ATIC: variants seen among roughly 807,000 people sequenced by gnomAD.
ATIC encodes the protein 5-aminoimidazole-4-carboxamide ribonucleotide formyltransferase/IMP cyclohydrolase, also known as bifunctional purine biosynthesis protein ATIC.
A neutral mutation model predicts 72.5 loss-of-function variants in ATIC; 64 were observed. The observed-to-expected ratio is 0.88, with a 90% CI of 0.72 to 1.09. The LOEUF (loss-of-function observed/expected upper bound fraction) is 1.09, where lower values mean the gene tolerates loss of function less well. Among genes scored for constraint, ATIC ranks in the 50% least tolerant of loss-of-function variants. The pLI is 0.00. For synonymous variants in ATIC, 281 were observed against 267.1 expected (o/e 1.05, Z -0.51); for missense variants, 787 against 732.4 (o/e 1.07, Z -0.86).
rs771443605 is a variant in ATIC at position 215,325,254 on chromosome 2, A to C, written c.304A>C (p.Asn102His). The C allele has an allele frequency of 1.9e-6, 3 of 1,613,656 alleles. No homozygotes were observed. The highest frequency in any genetic ancestry group is 2.5e-6 in the Non-Finnish European group (3 of 1,179,576). The change falls in exon 5 of 16, where the codon AAT becomes CAT. Residue 102 changes from asparagine to histidine, a missense_variant. Transcript: ENST00000236959. The part of the protein sequence containing the change: ...DFNLIRVVAC[N>H]LYPFVKTVAS... The stretch of plus-strand genomic sequence containing the variant: ...TTTGTTTTATAGAGTTGTTGCCTGC[A>C]ATCTCTATCCCTTTGTAAAGACAGT...
At chr2:215,324,400 C>T (rs143412038) in intron 4 of ATIC, among the ~76,000 whole-genome samples, 82 of 152,138 alleles carry the variant, frequency 5.4e-4, no homozygotes, top group African/African-American at 1.7e-3. Flanking sequence ...GTGGTTTTTG[C>T]ATTTTTCTGG....
intron 4 of ATIC, among the ~76,000 whole-genome samples, chr2:215,321,337 A>G (rs1246498531): frequency 8.3e-6 from 1 of 119,844 alleles, no homozygotes; most frequent in Non-Finnish European, 1.7e-5. Flanking sequence ...GTGCTGAAAA[A>G]TAATCCATTG....
chr2:215,356,798 T>C, the ATIC span, among the ~76,000 whole-genome samples: 1 of 152,232 alleles, frequency 6.6e-6, no homozygotes, highest in African/African-American at 2.4e-5. Context: ...GATATTTCAT[T>C]ATATGGATAT....
the ATIC span, chr2:215,365,017 A>T: frequency 6.5e-6 from 9 of 1,382,860 alleles, no homozygotes; most frequent in African/African-American, 1.4e-5. Flanking sequence ...ATGCACGCAT[A>T]AGCTGAGAAC....
chr2:215,344,650 A>G (rs778039682), intron 12 of ATIC, 129 bp from the exon 13 acceptor site: 13 of 862,218 alleles, frequency 1.5e-5, no homozygotes, highest in Non-Finnish European at 2.4e-5. Context: ...AGATTGTCCC[A>G]TTGTGCCTGG....
At chr2:215,336,893 G>A (rs1426583540) in intron 11 of ATIC, among the ~76,000 whole-genome samples, 2 of 152,170 alleles carry the variant, frequency 1.3e-5, no homozygotes, top group Non-Finnish European at 2.9e-5. Context: ...AAGGATGCCT[G>A]TTTCCCAACA....
At chr2:215,364,608 CT>C in the ATIC span, 20 of 536,748 alleles carry the variant, frequency 3.7e-5, no homozygotes, top group Non-Finnish European at 6.0e-5. Context: ...ACAGGTGTTG[CT>C]ATTAAGAATG....
intron 11 of ATIC, among the ~76,000 whole-genome samples, chr2:215,337,024 T>G (rs868610288): frequency 3.3e-5 from 5 of 152,088 alleles, no homozygotes; most frequent in Admixed American, 2.0e-4. Context: ...ATGTTTTTAT[T>G]CCTTTCTATG....
At chr2:215,344,425 C>T (rs750482339) in intron 12 of ATIC, among the ~76,000 whole-genome samples, 1 of 152,088 alleles carries the variant, frequency 6.6e-6, no homozygotes, top group Non-Finnish European at 1.5e-5. Context: ...TGGTGGCTCA[C>T]ACCTGTTGTA....
the ATIC span, chr2:215,367,849 A>G: frequency 8.1e-6 from 13 of 1,613,756 alleles, no homozygotes; most frequent in South Asian, 1.2e-4. Context: ...TGGATGGACA[A>G]AGCAACTACT....
downstream of ATIC, among the ~76,000 whole-genome samples, chr2:215,350,279 G>C (rs989363533): frequency 4.6e-5 from 7 of 152,158 alleles, no homozygotes; most frequent in Non-Finnish European, 1.0e-4. Context: ...TGGGACTACA[G>C]GCATGTGCCA....
intron 12 of ATIC, 88 bp from the exon 13 acceptor site, chr2:215,344,691 C>T (rs565954676): frequency 7.6e-7 from 1 of 1,323,928 alleles, no homozygotes. Context: ...CTCAAAAAAA[C>T]CACAAAAAAT....
chr2:215,365,832 GTC>G, the ATIC span: 1 of 242,464 alleles, frequency 4.1e-6, no homozygotes, highest in African/African-American at 2.4e-5. Context: ...TTGAGACAAA[GTC>G]TTTCTCTGTC....
chr2:215,324,662 A>G (rs566718167), intron 4 of ATIC, among the ~76,000 whole-genome samples: 1 of 152,160 alleles, frequency 6.6e-6, no homozygotes, highest in South Asian at 2.1e-4. Flanking sequence ...CTAGGAGTGG[A>G]ACTGTACTTC....
At chr2:215,333,774 G>A (rs1306307149) in intron 9 of ATIC, among the ~76,000 whole-genome samples, 1 of 152,098 alleles carries the variant, frequency 6.6e-6, no homozygotes, top group Non-Finnish European at 1.5e-5. Context: ...CGGGCGCAAT[G>A]TCTCACGCCT....
At chr2:215,350,230 G>A (rs1028305266), downstream of ATIC, among the ~76,000 whole-genome samples, 2 of 152,010 alleles carry the variant, frequency 1.3e-5, no homozygotes, top group African/African-American at 2.4e-5. Context: ...TCCGCCTCCC[G>A]GGTTCAAGCG....
intron 9 of ATIC, among the ~76,000 whole-genome samples, chr2:215,333,725 A>T (rs1172400393): frequency 3.9e-5 from 6 of 152,134 alleles, no homozygotes; most frequent in African/African-American, 1.4e-4. Flanking sequence ...GTACCTCAAA[A>T]TACATTTCTT....
the ATIC span, among the ~76,000 whole-genome samples, chr2:215,358,849 A>G: frequency 6.6e-6 from 1 of 152,200 alleles, no homozygotes; most frequent in Admixed American, 6.5e-5. Flanking sequence ...CATTTAGTTA[A>G]TACAGTCCAA....
Position 215,347,700 on chromosome 2 carries a change from C to A in ATIC, c.1503+759C>A, listed in dbSNP as rs1231895702. Reference sequence around the variant, plus strand: ...AGTCCTTAAGATATCTTTTTTTTTTCAACTTTGATACTTGGATTTTTCTGT... The same window carrying A: ...AGTCCTTAAGATATCTTTTTTTTTTAAACTTTGATACTTGGATTTTTCTGT... On this transcript the variant is annotated intron_variant, in intron 14 of 15. Transcript: ENST00000236959. The A allele has an allele frequency of 1.3e-5, 6 of 473,926 alleles. 1 individual carries two copies. Among genetic ancestry groups the A allele is most frequent in the African/African-American group, 8.0e-5 (4 of 50,008 alleles). 29.4% of individuals were successfully genotyped at this position (473,926 alleles called of 1,614,324 possible). A position where few individuals can be genotyped will look rare whatever the true frequency, so the allele number is the denominator to read the frequency against.
Sources: allele counts gnomAD v4.1 joint callset (sites outside exome capture counted in the v4.1 genomes callset), GRCh38; gene constraint gnomAD v4.1.1; transcripts MANE v1.5; gene names NCBI Gene and HGNC (gene_info 2026-07-23, HGNC 2026-07-21).